Variants in TRIM7 observed in about 807,000 individuals in gnomAD.
TRIM7 encodes E3 ubiquitin-protein ligase TRIM7.
Under a neutral mutation model 37.9 loss-of-function variants are expected in TRIM7, and 32 were observed. That is an observed-to-expected ratio of 0.84 (90% confidence interval 0.64 to 1.13). The LOEUF is 1.13. Among genes scored for constraint, TRIM7 ranks in the 50% most tolerant of loss-of-function variants. The pLI is 0.00. For synonymous variants in TRIM7, 351 were observed against 321.3 expected (o/e 1.09, Z -0.99); for missense variants, 732 against 714.0 (o/e 1.03, Z -0.29).
intron 6 of TRIM7, chr5:181,197,395 G>C (rs1757194337): frequency 6.6e-6 from 1 of 152,484 alleles, no homozygotes; most frequent in South Asian, 2.1e-4. Context: ...ATATAAAGAA[G>C]GCAAAGAAGC....
intron 3 of TRIM7, 36 bp from the exon 4 acceptor site, chr5:181,199,153 A>G: frequency 1.9e-6 from 3 of 1,613,914 alleles, no homozygotes; most frequent in Non-Finnish European, 2.5e-6. Context: ...AATCAGCATC[A>G]GGTAACCTCC....
chr5:181,203,293 G>A (rs1337580469), intron 2 of TRIM7: 1 of 1,315,078 alleles, frequency 7.6e-7, no homozygotes, highest in Admixed American at 3.7e-5. Flanking sequence ...TGAGCGTCCT[G>A]ATTCGCTGGG....
At chr5:181,195,883 A>C in intron 6 of TRIM7, 1 of 512,622 alleles carries the variant, frequency 2.0e-6, no homozygotes, top group Non-Finnish European at 3.3e-6. Context: ...ACAAGTACTT[A>C]CTGAAATCAA....
In TRIM7 at chr5:181,198,029, G is replaced by A. The variant is rs1231964604; in HGVS notation, c.1024+154C>T. 5.7e-6 allele frequency: 4 copies of A among 703,914 alleles called. No homozygotes were observed. The African/African-American group carries it at 7.0e-5, about 12-fold the overall frequency. 43.6% of individuals were successfully genotyped at this position (703,914 alleles called of 1,614,324 possible). On this transcript the variant is annotated intron_variant, in intron 6 of 6. Transcript: ENST00000274773. ...TGTCAGAGCTCCCAGGATGGGGAGG[G>A]GGTGGTGTGGGGGAGGGGACAGAGG...
chr5:181,202,152 G>A (rs1385162992), intron 2 of TRIM7: 1 of 151,452 alleles, frequency 6.6e-6, no homozygotes, highest in African/African-American at 2.4e-5. Flanking sequence ...TCCCTGCCTT[G>A]ACAGGTCCTA....
At chr5:181,198,331 G>A in intron 5 of TRIM7, 113 bp from the exon 6 acceptor site, 1 of 1,164,706 alleles carries the variant, frequency 8.6e-7, no homozygotes, top group Non-Finnish European at 1.3e-6. Context: ...GACTCCTAAG[G>A]CCAAGAGTGA....
In TRIM7 at chr5:181,198,733, A is replaced by C; in HGVS notation, c.945T>G (p.Ser315=). 1 of 1,614,120 alleles carries C rather than the reference A, an allele frequency of 6.2e-7. No individual in the cohort carries two copies. Among genetic ancestry groups the C allele is most frequent in the Non-Finnish European group, 8.5e-7 (1 of 1,180,014 alleles). The change falls in exon 5 of 7, where the codon TCT becomes TCG. Residue 315 remains serine, a synonymous_variant. Coordinates refer to ENST00000274773, the MANE Select transcript of TRIM7 (RefSeq NM_203293.3). The part of the protein sequence containing the change: ...SEMKNKVWNV[S]LKTFVLKGML... ...TCCCTTTTAAGACAAAGGTCTTGAGAGAAACATTCCAGACTTTATTCTTCA... is the reference window on the plus strand; with the variant it reads ...TCCCTTTTAAGACAAAGGTCTTGAGCGAAACATTCCAGACTTTATTCTTCA...
intron 3 of TRIM7, 196 bp from the exon 4 acceptor site, chr5:181,199,313 C>T (rs2391742): frequency 0.058 from 36,391 of 628,736 alleles, 6,730 homozygotes; most frequent in African/African-American, 0.49. Context: ...ACGCAGTGGA[C>T]CTCTCACCCT....
At chr5:181,200,395 G>A (rs1757409709) in intron 2 of TRIM7, 3 of 1,368,802 alleles carry the variant, frequency 2.2e-6, no homozygotes, top group Admixed American at 7.0e-5. Context: ...TTCCTCACTT[G>A]AAAAGCAGAA....
At chr5:181,196,385 T>C (rs996879921) in intron 6 of TRIM7, 2 of 150,612 alleles carry the variant, frequency 1.3e-5, no homozygotes, top group African/African-American at 4.9e-5. Flanking sequence ...CAAGACTCTG[T>C]CTCAAAAATA....
chr5:181,200,216 C>T lies in TRIM7; in HGVS notation c.619-135G>A, dbSNP rs777861379. 488 of 1,562,466 alleles carry T rather than the reference C, an allele frequency of 3.1e-4. 4 individuals carry two copies. The Middle Eastern group carries it at 4.0e-3, about 13-fold the overall frequency. ...GATCGGAGACACACCCACCTACGCA[C>T]GCAGTGCGTGCTCTATTGTCAGTGT... On this transcript the variant is annotated intron_variant, in intron 2 of 6. Transcript: ENST00000274773.
At chr5:181,203,510 A>T in intron 2 of TRIM7, 35 bp downstream of exon 2, 1 of 1,613,186 alleles carries the variant, frequency 6.2e-7, no homozygotes, top group Non-Finnish European at 8.5e-7. Flanking sequence ...GGCCTCTGTA[A>T]TGTCCCACGG....
intron 5 of TRIM7, 36 bp from the exon 6 acceptor site, chr5:181,198,254 G>C (rs254458): frequency 1.9e-6 from 3 of 1,610,854 alleles, no homozygotes; most frequent in Non-Finnish European, 2.5e-6. Flanking sequence ...GTGCATGAGC[G>C]ACACGGGAGA....
In TRIM7 at chr5:181,194,695, G is replaced by C. The variant is rs1756988769; in HGVS notation, c.*471C>G. On this transcript the variant is annotated 3_prime_UTR_variant, in exon 7 of 7. Transcript: ENST00000274773. ...CCTGAGTAGATGACCTGTCAGGTCA[G>C]CTGGATCCAGAGGTCCCACAACCTC... is the stretch of plus-strand genomic sequence containing the variant. The C allele has an allele frequency of 6.5e-6, 1 of 154,248 alleles. No individual in the cohort carries two copies. Among genetic ancestry groups the C allele is most frequent in the Non-Finnish European group, 1.4e-5 (1 of 69,532 alleles). The allele number at this position is 154,248 out of a possible 1,614,324, so 9.6% of individuals were successfully genotyped here.
In TRIM7 at chr5:181,203,547, G is replaced by C. The variant is rs748227112; in HGVS notation, c.616C>G (p.Leu206Val). Reference sequence around the variant, plus strand: ...GGGCCTGCGGGTGCCTGGCTCACCAGCAGCTCCTTGCTCTCCTTCTTTTCC... The same window carrying C: ...GGGCCTGCGGGTGCCTGGCTCACCACCAGCTCCTTGCTCTCCTTCTTTTCC... ...STEKKESKEL[L>V]KQMAAEQEKV... The change falls in exon 2 of 7, where the codon CTG becomes GTG. Residue 206 changes from leucine to valine, a missense_variant and splice_region_variant. Leu to Val is a conservative substitution (Grantham distance 32). Coordinates refer to ENST00000274773, the MANE Select transcript of TRIM7 (RefSeq NM_203293.3). 20 of 1,614,092 alleles carry C rather than the reference G, an allele frequency of 1.2e-5. No homozygotes were observed. Among genetic ancestry groups the C allele is most frequent in the African/African-American group, 2.7e-5 (2 of 74,930 alleles).
rs1582219033 is a variant in TRIM7, at chr5:181,194,996, C to G, written c.*170G>C. The G allele has an allele frequency of 4.0e-6, 3 of 756,420 alleles. No individual in the cohort carries two copies. The South Asian group carries it at 6.1e-5, about 15-fold the overall frequency. 46.9% of individuals were successfully genotyped at this position (756,420 alleles called of 1,614,324 possible). The stretch of plus-strand genomic sequence containing the variant: ...AGTCCAAAGCCCCTGTTCCCCTGCT[C>G]GGTTGGCCACAGTCACTCTCCTGCC... On this transcript the variant is annotated 3_prime_UTR_variant, in exon 7 of 7. Transcript: ENST00000274773.
rs756137955 is a variant in TRIM7 at position 181,199,990 on chromosome 5, C to A, written c.710G>T (p.Arg237Leu). 2 of 1,614,270 alleles carry A rather than the reference C, an allele frequency of 1.2e-6. No individual in the cohort carries two copies. Among genetic ancestry groups the A allele is most frequent in the Non-Finnish European group, 1.7e-6 (2 of 1,180,054 alleles). The change falls in exon 3 of 7, where the codon CGC (arginine) becomes CTC (leucine). Residue 237 changes from arginine (R) to leucine (L), a missense_variant. Arg to Leu is a moderately radical substitution (Grantham distance 102). Coordinates refer to ENST00000274773, the MANE Select transcript of TRIM7 (RefSeq NM_203293.3). ...LVEQEGRLLG[R>L]LEELSREVAQ... The stretch of plus-strand genomic sequence containing the variant: ...CACCTCCCGGGACAGTTCCTCCAGG[C>A]GGCCTAGCAGCCGACCCTCCTGCTC...
intron 2 of TRIM7, 88 bp downstream of exon 2, chr5:181,203,457 C>T: frequency 6.4e-7 from 1 of 1,571,716 alleles, no homozygotes; most frequent in South Asian, 1.2e-5. Flanking sequence ...CCATAGCACA[C>T]ACTCCAACAC....
At chr5:181,198,956 CGTTT>C in intron 4 of TRIM7, 135 bp downstream of exon 4, 1 of 1,252,090 alleles carries the variant, frequency 8.0e-7, no homozygotes, top group Non-Finnish European at 1.2e-6. Flanking sequence ...GGCAGGTGGG[CGTTT>C]GTCTCGGAAG....
Sources: allele counts gnomAD v4.1 joint callset, GRCh38; gene constraint gnomAD v4.1.1; transcripts MANE v1.5; gene names NCBI Gene and HGNC (gene_info 2026-07-23, HGNC 2026-07-21).